ADAMTS17: variants seen among roughly 807,000 people sequenced by gnomAD.
The protein encoded by ADAMTS17 is ADAM metallopeptidase with thrombospondin type 1 motif 17.
ADAMTS17 carries 113 observed loss-of-function variants against 141.5 expected under a neutral mutation model. That is an observed-to-expected ratio of 0.80 (90% CI 0.69 to 0.93). The LOEUF is 0.93. Ranked by LOEUF, ADAMTS17 falls within the 40% of genes least tolerant of loss-of-function variation. ADAMTS17 has a pLI of 0.00. For missense variants in ADAMTS17, 1,659 were observed against 1,517.9 expected (o/e 1.09, Z -1.54); for synonymous variants, 768 against 630.6 (o/e 1.22, Z -3.27).
intron 20 of ADAMTS17, among the ~76,000 whole-genome samples, chr15:99,988,434 AG>A (rs2060632013): frequency 6.6e-6 from 1 of 152,232 alleles, no homozygotes; most frequent in Non-Finnish European, 1.5e-5. Context: ...AGCAGATGCC[AG>A]CATGGTGCTT....
intron 18 of ADAMTS17, among the ~76,000 whole-genome samples, chr15:100,025,913 AT>A (rs1262067543): frequency 6.6e-6 from 1 of 152,068 alleles, no homozygotes; most frequent in African/African-American, 2.4e-5. Flanking sequence ...TACTCCAACC[AT>A]TTTTGATAGT....
chr15:100,314,935 G>A (rs966071303), intron 3 of ADAMTS17, among the ~76,000 whole-genome samples: 5 of 152,216 alleles, frequency 3.3e-5, no homozygotes, highest in African/African-American at 7.2e-5. Flanking sequence ...GGAGCCGACC[G>A]TCCCTGGAGA....
chr15:100,240,043 G>T (rs2042782716), intron 7 of ADAMTS17, among the ~76,000 whole-genome samples: 1 of 152,208 alleles, frequency 6.6e-6, no homozygotes, highest in Non-Finnish European at 1.5e-5. Flanking sequence ...CTGTGCGGCA[G>T]ATCAGTGAGC....
In ADAMTS17 at chr15:100,002,423, C is replaced by A. The variant is rs551896809; in HGVS notation, c.2592-4834G>T. ...ACAGGGTGCATGGCCATTCCCAGCA[C>A]GTGACCACGGCAGGTGCTCTAGTGG... On this transcript the variant is annotated intron_variant, in intron 18 of 21. Coordinates refer to ENST00000268070, the MANE Select transcript of ADAMTS17 (RefSeq NM_139057.4). Among the ~76,000 whole-genome samples, 6 of 152,122 alleles carry A rather than the reference C, an allele frequency of 3.9e-5. 1 individual carries two copies. The highest frequency in any genetic ancestry group is 2.1e-4 in the South Asian group (1 of 4,824).
chr15:100,199,593 C>T (rs143590720), intron 7 of ADAMTS17, among the ~76,000 whole-genome samples, 170 bp from the exon 8 acceptor site: 2,937 of 152,234 alleles, frequency 0.019, 37 homozygotes, highest in Non-Finnish European at 0.028. Flanking sequence ...CTTTTGTGTT[C>T]ACCCAATAAA....
At chr15:100,061,301 C>T (rs2033103353) in intron 15 of ADAMTS17, among the ~76,000 whole-genome samples, 1 of 152,208 alleles carries the variant, frequency 6.6e-6, no homozygotes, top group Admixed American at 6.5e-5. Context: ...ACCAAGCCCC[C>T]TGAAGCTTCA....
intron 14 of ADAMTS17, among the ~76,000 whole-genome samples, chr15:100,099,653 G>C (rs74037360): frequency 0.06 from 9,149 of 152,158 alleles, 497 homozygotes; most frequent in South Asian, 0.16. Context: ...TTTGCTGGTC[G>C]CGCCCTGTGC....
intron 7 of ADAMTS17, among the ~76,000 whole-genome samples, chr15:100,217,583 G>A (rs2042008245): frequency 6.6e-6 from 1 of 152,156 alleles, no homozygotes; most frequent in Non-Finnish European, 1.5e-5. Context: ...TGGGGCGTCA[G>A]AGCAAGACTC....
intron 15 of ADAMTS17, among the ~76,000 whole-genome samples, chr15:100,059,416 C>CA (rs934842778): frequency 2.0e-5 from 3 of 151,886 alleles, no homozygotes; most frequent in Non-Finnish European, 4.4e-5. Context: ...AAAACACAGG[C>CA]AGAGTTATTA....
In ADAMTS17 at chr15:100,075,077, T is replaced by G. The variant is rs80245123; in HGVS notation, c.2138-21023A>C. 3.2e-3 allele frequency among the ~76,000 whole-genome samples: 488 copies of G among 152,314 alleles called. 11 individuals are homozygous for G. In the East Asian group the frequency reaches 0.057, roughly 18 times the overall value. ...GTTCTTCCATAGGCCCGTATATTTA[T>G]ACTTCTATTGTGTAACTTATGAGAT... On this transcript the variant is annotated intron_variant, in intron 15 of 21. Transcript: ENST00000268070.
At chr15:100,058,852 G>C (rs1447331354) in intron 15 of ADAMTS17, among the ~76,000 whole-genome samples, 2 of 152,348 alleles carry the variant, frequency 1.3e-5, no homozygotes, top group Non-Finnish European at 2.9e-5. Context: ...TTGTGGGATA[G>C]GAAAGCGAAA....
Position 100,340,957 on chromosome 15 carries a change from C to T in ADAMTS17, c.450+82G>A, listed in dbSNP as rs966817743. ...CTGGAGGCTGGACTTCCAGCAGAGG[C>T]GCCCCACCCCCACCCTCCACGGCGA... On this transcript the variant is annotated intron_variant, in intron 2 of 21. Transcript: ENST00000268070. 68 of 1,499,834 alleles carry T rather than the reference C, an allele frequency of 4.5e-5. No homozygotes were observed. In the South Asian group the frequency reaches 6.7e-4, roughly 15 times the overall value. The allele number at this position is 1,499,834 out of a possible 1,614,324, so 92.9% of individuals were successfully genotyped here.
intron 7 of ADAMTS17, among the ~76,000 whole-genome samples, chr15:100,210,326 C>G (rs558387297): frequency 6.7e-6 from 1 of 149,858 alleles, no homozygotes; most frequent in Non-Finnish European, 1.5e-5. Context: ...TAACATTTGT[C>G]AGACACTTAC....
chr15:100,177,829 G>T (rs974690933), intron 8 of ADAMTS17, among the ~76,000 whole-genome samples: 1 of 151,966 alleles, frequency 6.6e-6, no homozygotes, highest in Non-Finnish European at 1.5e-5. Flanking sequence ...CATGTATTTT[G>T]AATCTCTTTA....
chr15:99,982,642 A>C (rs2060504517), intron 20 of ADAMTS17, among the ~76,000 whole-genome samples: 1 of 152,234 alleles, frequency 6.6e-6, no homozygotes, highest in South Asian at 2.1e-4. Context: ...GGCTTTAATC[A>C]TCCAAGCAAA....
chr15:100,091,028 A>AAAAAAAAAAAAAAAAG (rs369355348), intron 15 of ADAMTS17, among the ~76,000 whole-genome samples: 11 of 143,694 alleles, frequency 7.7e-5, no homozygotes, highest in East Asian at 2.1e-4. Flanking sequence ...AAAAAAAAAA[A>AAAAAAAAAAAAAAAAG]GGGTAACCAA....
intron 7 of ADAMTS17, among the ~76,000 whole-genome samples, chr15:100,233,578 C>G (rs1211362076): frequency 6.6e-6 from 1 of 152,070 alleles, no homozygotes; most frequent in Non-Finnish European, 1.5e-5. Flanking sequence ...CATGTGCAGT[C>G]GATGGGAACA....
chr15:100,051,496 G>T (rs548122657), intron 17 of ADAMTS17, 76 bp downstream of exon 17: 2 of 1,601,038 alleles, frequency 1.2e-6, no homozygotes, highest in Non-Finnish European at 1.7e-6. Context: ...CACACTCTGC[G>T]TGCTGGCCAC....
intron 7 of ADAMTS17, among the ~76,000 whole-genome samples, chr15:100,248,712 G>T (rs2043060964): frequency 6.6e-6 from 1 of 152,134 alleles, no homozygotes; most frequent in Non-Finnish European, 1.5e-5. Context: ...TTCCCAAGGG[G>T]GTCATCCTTG....
Sources: allele counts gnomAD v4.1 joint callset (sites outside exome capture counted in the v4.1 genomes callset), GRCh38; gene constraint gnomAD v4.1.1; transcripts MANE v1.5; gene names NCBI Gene and HGNC (gene_info 2026-07-23, HGNC 2026-07-21).